SLC24A3: variants seen among roughly 807,000 people sequenced by gnomAD.
SLC24A3 encodes sodium/potassium/calcium exchanger 3.
Under a neutral mutation model 75.8 loss-of-function variants are expected in SLC24A3, and 28 were observed. The ratio of observed to expected loss-of-function variants is 0.37; its 90% CI spans 0.27 to 0.51. The LOEUF (loss-of-function observed/expected upper bound fraction) is 0.51, where lower values mean the gene tolerates loss of function less well. SLC24A3 is among the 20% of genes least tolerant of loss of function. SLC24A3 has a pLI of 0.94. For missense variants in SLC24A3, 663 were observed against 847.8 expected (o/e 0.78, Z 2.71); for synonymous variants, 372 against 334.1 (o/e 1.11, Z -1.24).
intron 2 of SLC24A3, among the ~76,000 whole-genome samples, chr20:19,361,030 T>G (rs1394232651): frequency 2.6e-5 from 4 of 152,150 alleles, no homozygotes; most frequent in Non-Finnish European, 4.4e-5. Context: ...GATTTCACCG[T>G]GTTAGCCAGG....
At chr20:19,258,659 G>A (rs899831180) in intron 1 of SLC24A3, among the ~76,000 whole-genome samples, 2 of 152,126 alleles carry the variant, frequency 1.3e-5, no homozygotes, top group Non-Finnish European at 2.9e-5. Flanking sequence ...CTGAGATCGC[G>A]CCACTGCACT....
intron 3 of SLC24A3, among the ~76,000 whole-genome samples, chr20:19,527,637 C>G (rs542780894): frequency 3.3e-5 from 5 of 152,170 alleles, no homozygotes; most frequent in South Asian, 2.1e-4. Context: ...CCCTGTCTCT[C>G]TAAGAGGTCC....
At chr20:19,265,843 C>CTGG (rs1196512840) in intron 1 of SLC24A3, 1 of 152,732 alleles carries the variant, frequency 6.5e-6, no homozygotes, top group Non-Finnish European at 1.5e-5. Context: ...TTTGATTGGC[C>CTGG]TGGCTCAGTT....
At chr20:19,292,894 T>C (rs6045966) in intron 2 of SLC24A3, among the ~76,000 whole-genome samples, 9,102 of 152,310 alleles carry the variant, frequency 0.06, 605 homozygotes, top group African/African-American at 0.17. Context: ...AGCGCCTTCT[T>C]ACTCTGTCCT....
intron 2 of SLC24A3, among the ~76,000 whole-genome samples, chr20:19,377,541 AC>A (rs1986105701): frequency 6.6e-6 from 1 of 152,158 alleles, no homozygotes; most frequent in Admixed American, 6.5e-5. Flanking sequence ...GCATCAGGGA[AC>A]TTTTGGGGTA....
intron 2 of SLC24A3, among the ~76,000 whole-genome samples, chr20:19,427,989 C>T (rs1329794055): frequency 1.3e-5 from 2 of 152,234 alleles, no homozygotes; most frequent in Admixed American, 6.5e-5. Context: ...TGCAGTAACA[C>T]ATCAGGGATC....
intron 9 of SLC24A3, among the ~76,000 whole-genome samples, chr20:19,680,714 GA>G (rs2032603682): frequency 6.6e-6 from 1 of 152,254 alleles, no homozygotes; most frequent in Non-Finnish European, 1.5e-5. Flanking sequence ...TCCAGCCACA[GA>G]GGACCTCTTC....
intron 2 of SLC24A3, among the ~76,000 whole-genome samples, chr20:19,484,414 CA>C (rs1339945909): frequency 6.6e-6 from 1 of 152,036 alleles, no homozygotes; most frequent in African/African-American, 2.4e-5. Context: ...CATGTTGACA[CA>C]AAAAATTTTA....
At chr20:19,542,420 G>A (rs1391726917) in intron 3 of SLC24A3, among the ~76,000 whole-genome samples, 1 of 152,174 alleles carries the variant, frequency 6.6e-6, no homozygotes, top group African/African-American at 2.4e-5. Flanking sequence ...TGGAAACCAC[G>A]CCTAGGACTT....
chr20:19,703,942 T>G (rs1306876680), intron 15 of SLC24A3, among the ~76,000 whole-genome samples: 1 of 152,196 alleles, frequency 6.6e-6, no homozygotes, highest in Non-Finnish European at 1.5e-5. Context: ...GATGTTGAAC[T>G]GGGATTTCCC....
chr20:19,683,294 G>A (rs1364384038), intron 10 of SLC24A3, among the ~76,000 whole-genome samples: 2 of 152,208 alleles, frequency 1.3e-5, no homozygotes, highest in Non-Finnish European at 2.9e-5. Context: ...GTATTAGCCA[G>A]TGTTTCCAGA....
At chr20:19,704,237 G>T (rs1448012561) in intron 15 of SLC24A3, among the ~76,000 whole-genome samples, 1 of 152,076 alleles carries the variant, frequency 6.6e-6, no homozygotes, top group Non-Finnish European at 1.5e-5. Context: ...GAGCAAAGAA[G>T]AACAGAGCAG....
intron 12 of SLC24A3, 39 bp from the exon 13 acceptor site, chr20:19,693,220 T>TA (rs11472865): frequency 8.2e-6 from 13 of 1,582,140 alleles, no homozygotes; most frequent in Middle Eastern, 2.0e-4. Flanking sequence ...TCTTTGTTAT[T>TA]TTTTTTTTAT....
chr20:19,424,787 C>G (rs1986977105), intron 2 of SLC24A3, among the ~76,000 whole-genome samples: 1 of 145,458 alleles, frequency 6.9e-6, no homozygotes, highest in Non-Finnish European at 1.5e-5. Flanking sequence ...GCATAGGTCT[C>G]TAGGAGAAAA....
chr20:19,427,329 A>G, intron 2 of SLC24A3, among the ~76,000 whole-genome samples: 1 of 152,182 alleles, frequency 6.6e-6, no homozygotes, highest in East Asian at 1.9e-4. Flanking sequence ...CACACAGGGA[A>G]AATGGTGCAT....
intron 2 of SLC24A3, among the ~76,000 whole-genome samples, chr20:19,487,409 TA>T (rs1298472226): frequency 1.3e-5 from 2 of 152,192 alleles, no homozygotes; most frequent in African/African-American, 4.8e-5. Flanking sequence ...GTACCTTAAC[TA>T]AATCTGATTG....
chr20:19,334,229 G>A (rs1355554800), intron 2 of SLC24A3, among the ~76,000 whole-genome samples: 3 of 152,194 alleles, frequency 2.0e-5, no homozygotes, highest in Non-Finnish European at 4.4e-5. Context: ...AGCTTTCAGA[G>A]CCTGGGATGT....
rs1477469636 is a variant in SLC24A3 at position 19,721,292 on chromosome 20, T to TC, written c.*156dup. ...GCTCCTGTTTTGGTGGCCCAGGCTC[T>TC]CCCCTGACCCATCCTCGCTCCCCCA... On this transcript the variant is annotated 3_prime_UTR_variant, in exon 17 of 17. Coordinates refer to ENST00000328041, the MANE Select transcript of SLC24A3 (RefSeq NM_020689.4). 3.1e-6 allele frequency: 3 copies of TC among 962,858 alleles called. No homozygotes were observed. Among genetic ancestry groups the TC allele is most frequent in the Non-Finnish European group, 4.5e-6 (3 of 661,896 alleles). The allele number at this position is 962,858 out of a possible 1,614,324, so 59.6% of individuals were successfully genotyped here. A position where few individuals can be genotyped will look rare whatever the true frequency, so the allele number is the denominator to read the frequency against.
At chr20:19,348,582 C>T (rs1985489004) in intron 2 of SLC24A3, among the ~76,000 whole-genome samples, 1 of 152,128 alleles carries the variant, frequency 6.6e-6, no homozygotes, top group Admixed American at 6.5e-5. Context: ...CCCCCAATGC[C>T]TAATAACATC....
Sources: allele counts gnomAD v4.1 joint callset (sites outside exome capture counted in the v4.1 genomes callset), GRCh38; gene constraint gnomAD v4.1.1; transcripts MANE v1.5; gene names NCBI Gene and HGNC (gene_info 2026-07-23, HGNC 2026-07-21).